The following FAM168A variants were observed in gnomAD, a reference collection of about 807,000 sequenced individuals.
The protein encoded by FAM168A is protein FAM168A.
FAM168A carries 3 observed loss-of-function variants against 28.5 expected under a neutral mutation model. That is an observed-to-expected ratio of 0.11 (90% CI 0.05 to 0.27). The LOEUF (loss-of-function observed/expected upper bound fraction) is 0.27. Ranked by LOEUF, FAM168A falls within the 10% of genes least tolerant of loss-of-function variation. The pLI, the probability that FAM168A is intolerant of heterozygous loss-of-function variation, is 1.00. For synonymous variants in FAM168A, 122 were observed against 124.2 expected (o/e 0.98, Z 0.12); for missense variants, 222 against 311.5 (o/e 0.71, Z 2.16).
At chr11:73,554,011 A>AGGG (rs1565295970) in intron 1 of FAM168A, among the ~76,000 whole-genome samples, 3 of 151,826 alleles carry the variant, frequency 2.0e-5, no homozygotes, top group Non-Finnish European at 4.4e-5. Context: ...TCAAAAAAAT[A>AGGG]AAAATAAAAA....
At chr11:73,425,111 C>A in intron 3 of FAM168A, 1 of 1,250,618 alleles carries the variant, frequency 8.0e-7, no homozygotes, top group Non-Finnish European at 1.1e-6. Context: ...GTATACATTG[C>A]AGTTACATAA....
At chr11:73,578,821 C>A (rs1037402018) in intron 1 of FAM168A, among the ~76,000 whole-genome samples, 1 of 152,228 alleles carries the variant, frequency 6.6e-6, no homozygotes, top group Non-Finnish European at 1.5e-5. Context: ...TTGCCTCTTA[C>A]TATGAATCTA....
At chr11:73,534,725 A>C (rs1310775691) in intron 1 of FAM168A, among the ~76,000 whole-genome samples, 2 of 152,190 alleles carry the variant, frequency 1.3e-5, no homozygotes, top group Non-Finnish European at 2.9e-5. Context: ...TTCTAGAAAG[A>C]AAGCATGCTA....
chr11:73,559,774 A>C (rs1286329478), intron 1 of FAM168A, among the ~76,000 whole-genome samples: 1 of 152,208 alleles, frequency 6.6e-6, no homozygotes, highest in Non-Finnish European at 1.5e-5. Flanking sequence ...TAAAGTGGTT[A>C]ATTTCAACAA....
intron 1 of FAM168A, among the ~76,000 whole-genome samples, chr11:73,575,532 A>G (rs926321458): frequency 2.0e-5 from 3 of 152,154 alleles, no homozygotes; most frequent in African/African-American, 4.8e-5. Context: ...AACTTTTTAC[A>G]TGGGTAACAT....
intron 1 of FAM168A, among the ~76,000 whole-genome samples, chr11:73,547,637 G>A (rs1943775872): frequency 6.6e-6 from 1 of 152,084 alleles, no homozygotes; most frequent in Admixed American, 6.6e-5. Context: ...AATAACCGCT[G>A]CACTTCAGCC....
Position 73,568,498 on chromosome 11 carries a change from C to T in FAM168A, c.-19+29425G>A, listed in dbSNP as rs1944048214. Among the ~76,000 whole-genome samples, 6 of 152,128 alleles carry T rather than the reference C, an allele frequency of 3.9e-5. 1 individual carries two copies. In the South Asian group the frequency reaches 1.2e-3, roughly 32 times the overall value. On this transcript the variant is annotated intron_variant, in intron 1 of 7. Transcript: ENST00000356467. ...AATGCAGGGCAGGGCACATGGAAAA[C>T]CAAGTAGCTATGCTATGACATGACT...
intron 1 of FAM168A, among the ~76,000 whole-genome samples, chr11:73,501,868 A>G (rs61893571): frequency 6.6e-6 from 1 of 152,106 alleles, no homozygotes; most frequent in South Asian, 2.1e-4. Flanking sequence ...TTGGGAGGCC[A>G]AGGCGGGCAG....
At chr11:73,430,463 G>T (rs1866968144) in intron 3 of FAM168A, 2 of 493,950 alleles carry the variant, frequency 4.0e-6, no homozygotes, top group East Asian at 7.8e-5. Flanking sequence ...GCATAGGACA[G>T]ATGAGCCAAC....
In FAM168A at chr11:73,544,992, TA is replaced by T. The variant is rs1239426348; in HGVS notation, c.-19+52930del. Among the ~76,000 whole-genome samples, 98 of 78,664 alleles carry T rather than the reference TA, an allele frequency of 1.2e-3. 9 individuals are homozygous for T. The highest frequency in any genetic ancestry group is 6.7e-3 in the African/African-American group (92 of 13,638). The allele number at this position is 78,664 out of a possible 152,430, so 51.6% of individuals were successfully genotyped here. On this transcript the variant is annotated intron_variant, in intron 1 of 7. Transcript: ENST00000356467. The stretch of plus-strand genomic sequence containing the variant: ...TATATTATATAATATATTTTATATA[TA>T]GTATATATAATATACTATATATATA...
At chr11:73,550,379 C>G (rs11820577) in intron 1 of FAM168A, among the ~76,000 whole-genome samples, 16,379 of 152,248 alleles carry the variant, frequency 0.11, 996 homozygotes, top group African/African-American at 0.15. Context: ...TAAGGCCAGG[C>G]TTGGTGGCTC....
At chr11:73,452,775 T>C (rs960055486) in intron 2 of FAM168A, among the ~76,000 whole-genome samples, 1 of 150,770 alleles carries the variant, frequency 6.6e-6, no homozygotes, top group Non-Finnish European at 1.5e-5. Context: ...TGGATGAAAG[T>C]TGAAATAAAA....
chr11:73,441,590 T>C (rs938434665), intron 2 of FAM168A, among the ~76,000 whole-genome samples: 3 of 152,224 alleles, frequency 2.0e-5, no homozygotes, highest in Non-Finnish European at 4.4e-5. Context: ...TTGTGCAGGA[T>C]TGGTGATAAT....
chr11:73,533,263 G>T (rs183920148), intron 1 of FAM168A, among the ~76,000 whole-genome samples: 298 of 152,218 alleles, frequency 2.0e-3, no homozygotes, highest in African/African-American at 6.7e-3. Context: ...ATTTATTTGA[G>T]AAATCATGAA....
intron 1 of FAM168A, among the ~76,000 whole-genome samples, chr11:73,523,065 G>C (rs184475900): frequency 1.3e-5 from 2 of 151,986 alleles, no homozygotes; most frequent in East Asian, 3.9e-4. Context: ...AGAGGAGGGG[G>C]CTGCTGGAAC....
intron 1 of FAM168A, among the ~76,000 whole-genome samples, chr11:73,544,978 A>T (rs1204580188): frequency 2.3e-5 from 2 of 87,226 alleles, no homozygotes; most frequent in Non-Finnish European, 3.8e-5. Flanking sequence ...ATATTATATA[A>T]TATATTTTAT....
chr11:73,503,091 A>C (rs574886080), intron 1 of FAM168A, among the ~76,000 whole-genome samples: 2 of 152,310 alleles, frequency 1.3e-5, no homozygotes, highest in Non-Finnish European at 2.9e-5. Context: ...AAACCAGTAC[A>C]GGACAAGGAT....
chr11:73,452,476 C>T (rs1867449142), intron 2 of FAM168A: 1 of 152,286 alleles, frequency 6.6e-6, no homozygotes, highest in Admixed American at 6.5e-5. Context: ...CATATACCAT[C>T]TTCATGGACA....
intron 1 of FAM168A, among the ~76,000 whole-genome samples, chr11:73,572,637 C>T (rs944493703): frequency 4.7e-5 from 7 of 149,324 alleles, no homozygotes; most frequent in Admixed American, 2.0e-4. Flanking sequence ...GGATTAAGGG[C>T]GGTGCAAGAT....
Sources: allele counts gnomAD v4.1 joint callset (sites outside exome capture counted in the v4.1 genomes callset), GRCh38; gene constraint gnomAD v4.1.1; transcripts MANE v1.5; gene names NCBI Gene and HGNC (gene_info 2026-07-23, HGNC 2026-07-21).